The following CLDN14 variants were observed in gnomAD, a reference collection of about 807,000 sequenced individuals.
CLDN14 encodes the protein claudin 14.
In CLDN14, 2 loss-of-function variants were observed where a neutral mutation model predicts 2.1. That is an observed-to-expected ratio of 0.96 (90% CI 0.39 to 3.01). The LOEUF (loss-of-function observed/expected upper bound fraction) is 3.01. CLDN14 is among the 30% of genes most tolerant of loss of function. The pLI is 0.09. For synonymous variants in CLDN14, 136 were observed against 154.4 expected (o/e 0.88, Z 0.88); for missense variants, 298 against 328.0 (o/e 0.91, Z 0.71).
intron 1 of CLDN14, among the ~76,000 whole-genome samples, chr21:36,574,916 C>G (rs1319227871): frequency 6.6e-6 from 1 of 152,140 alleles, no homozygotes; most frequent in East Asian, 1.9e-4. Context: ...ATGCTTCCTT[C>G]CCTCCACCCC....
chr21:36,536,553 C>T (rs1318036248), intron 1 of CLDN14, among the ~76,000 whole-genome samples: 1 of 151,848 alleles, frequency 6.6e-6, no homozygotes, highest in East Asian at 1.9e-4. Context: ...TTTCATAATC[C>T]TAGTGCAAGT....
At chr21:36,524,146 A>T (rs796076942) in intron 1 of CLDN14, among the ~76,000 whole-genome samples, 12 of 150,888 alleles carry the variant, frequency 8.0e-5, no homozygotes, top group African/African-American at 2.9e-4. Context: ...ACGGGGTCTC[A>T]CTTGCTCTGT....
At chr21:36,509,240 T>C (rs1428426553) in intron 2 of CLDN14, among the ~76,000 whole-genome samples, 2 of 152,212 alleles carry the variant, frequency 1.3e-5, no homozygotes, top group Admixed American at 1.3e-4. Context: ...GTGAAGGCAC[T>C]TCCGGTGTCC....
At chr21:36,547,018 G>C (rs1278428345) in intron 1 of CLDN14, among the ~76,000 whole-genome samples, 4 of 152,180 alleles carry the variant, frequency 2.6e-5, no homozygotes, top group Non-Finnish European at 5.9e-5. Context: ...CAACGCACAG[G>C]ACAATCCCCA....
intron 1 of CLDN14, among the ~76,000 whole-genome samples, chr21:36,569,538 T>C (rs1480917249): frequency 1.3e-5 from 2 of 152,324 alleles, no homozygotes; most frequent in African/African-American, 4.8e-5. Flanking sequence ...AACTAACAGA[T>C]GTCAAATGAA....
chr21:36,557,115 G>T (rs897682191), intron 1 of CLDN14, among the ~76,000 whole-genome samples: 1 of 152,074 alleles, frequency 6.6e-6, no homozygotes, highest in Non-Finnish European at 1.5e-5. Context: ...GTCTCATATT[G>T]TAGAATTTCT....
chr21:36,523,791 GAAAGAAAGAAAGAAAGAAAGAA>G (rs2087296677), intron 1 of CLDN14, among the ~76,000 whole-genome samples: 1 of 83,430 alleles, frequency 1.2e-5, no homozygotes, highest in Non-Finnish European at 2.3e-5. Flanking sequence ...GAGAAAGAAA[GAAAGAAAGAAAGAAAGAAAGAA>G]AGAAAGAAAG....
At chr21:36,511,118 G>A (rs2087183365) in intron 1 of CLDN14, among the ~76,000 whole-genome samples, 1 of 152,236 alleles carries the variant, frequency 6.6e-6, no homozygotes, top group African/African-American at 2.4e-5. Flanking sequence ...AACACGGAGG[G>A]AGGCAGGCCG....
intron 1 of CLDN14, among the ~76,000 whole-genome samples, chr21:36,561,643 T>C (rs560694104): frequency 6.6e-6 from 1 of 152,314 alleles, no homozygotes; most frequent in East Asian, 1.9e-4. Flanking sequence ...AGCAAAGTAA[T>C]GTTGCCCCAG....
chr21:36,549,397 G>C (rs947511924), intron 1 of CLDN14, among the ~76,000 whole-genome samples: 5 of 152,138 alleles, frequency 3.3e-5, no homozygotes, highest in African/African-American at 9.7e-5. Flanking sequence ...GATGTATTTG[G>C]TGTTGAAAAG....
chr21:36,529,391 C>T lies in CLDN14; in HGVS notation c.-219-18891G>A, dbSNP rs536997139. Reference sequence around the variant, plus strand: ...GCAACCTCCACCTCCCGAGTTCAAGCGATTCTCCTGCCTCAGCCTCTCGAG... The same window carrying T: ...GCAACCTCCACCTCCCGAGTTCAAGTGATTCTCCTGCCTCAGCCTCTCGAG... On this transcript the variant is annotated intron_variant, in intron 1 of 2. Coordinates refer to the CLDN14 transcript ENST00000342108. Among the ~76,000 whole-genome samples, 5 of 152,192 alleles carry T rather than the reference C, an allele frequency of 3.3e-5. No homozygotes were observed. The South Asian group carries it at 8.3e-4, about 25-fold the overall frequency.
chr21:36,549,489 G>A (rs1174047809), intron 1 of CLDN14, among the ~76,000 whole-genome samples: 1 of 152,186 alleles, frequency 6.6e-6, no homozygotes, highest in East Asian at 1.9e-4. Context: ...GCTTTCTCAG[G>A]GCACCCCACA....
At chr21:36,467,695 T>C (rs1248544327) in intron 1 of CLDN14, among the ~76,000 whole-genome samples, 1 of 150,982 alleles carries the variant, frequency 6.6e-6, no homozygotes, top group Admixed American at 6.6e-5. Flanking sequence ...ATGGGATGGG[T>C]GGGGTGTTTG....
At chr21:36,469,629 T>C (rs2086685917) in intron 1 of CLDN14, among the ~76,000 whole-genome samples, 1 of 152,174 alleles carries the variant, frequency 6.6e-6, no homozygotes, top group Non-Finnish European at 1.5e-5. Flanking sequence ...CGAAGAAAAG[T>C]TTATGTGAAT....
chr21:36,555,845 G>A (rs1286729710), intron 1 of CLDN14, among the ~76,000 whole-genome samples: 1 of 148,970 alleles, frequency 6.7e-6, no homozygotes, highest in Non-Finnish European at 1.5e-5. Flanking sequence ...GTGTGTGTGT[G>A]TGTGTGAGAG....
chr21:36,548,611 G>A (rs1222469748), intron 1 of CLDN14, among the ~76,000 whole-genome samples: 2 of 152,178 alleles, frequency 1.3e-5, no homozygotes, highest in African/African-American at 4.8e-5. Flanking sequence ...TGGCAGGTTA[G>A]AGGGTTGCGT....
chr21:36,492,830 C>A (rs1461615541), intron 2 of CLDN14, among the ~76,000 whole-genome samples: 2 of 152,148 alleles, frequency 1.3e-5, no homozygotes, highest in Non-Finnish European at 2.9e-5. Flanking sequence ...AAGGAAGGGG[C>A]CTCCCCTAGA....
At chr21:36,486,391 C>G in intron 2 of CLDN14, 1 of 1,047,388 alleles carries the variant, frequency 9.5e-7, no homozygotes. Context: ...GCTGCAGCTG[C>G]TCGTCTGGGC....
chr21:36,530,056 C>T (rs2087367047), intron 1 of CLDN14, among the ~76,000 whole-genome samples: 1 of 152,118 alleles, frequency 6.6e-6, no homozygotes. Flanking sequence ...CCCTTCCTTT[C>T]AGTTAAAGAT....
Sources: gnomAD v4.1 joint callset for allele counts (sites outside exome capture counted in the v4.1 genomes callset) on GRCh38, gnomAD v4.1.1 for gene constraint, MANE v1.5 for transcripts, NCBI Gene and HGNC (gene_info 2026-07-23, HGNC 2026-07-21) for gene names.